The following CTNNA2 variants were observed in gnomAD, a reference collection of about 807,000 sequenced individuals.
The protein encoded by CTNNA2 is catenin alpha 2, also known as catenin alpha-2.
Under a neutral mutation model 101.0 loss-of-function variants are expected in CTNNA2, and 42 were observed. The observed-to-expected ratio is 0.42, with a 90% CI of 0.32 to 0.54. CTNNA2 has a LOEUF of 0.54. CTNNA2 is among the 20% of genes least tolerant of loss of function. CTNNA2 has a pLI of 0.14. For synonymous variants in CTNNA2, 450 were observed against 456.4 expected (o/e 0.99, Z 0.18); for missense variants, 871 against 1,223.1 (o/e 0.71, Z 4.29).
intron 7 of CTNNA2, among the ~76,000 whole-genome samples, chr2:79,980,937 C>CA (rs938405426): frequency 1.3e-4 from 19 of 151,652 alleles, no homozygotes; most frequent in African/African-American, 4.6e-4. Context: ...TTTTAACAGT[C>CA]AAACATTCTG....
In CTNNA2 at chr2:80,079,739, G is replaced by A. The variant is rs187947830; in HGVS notation, c.1056+169942G>A. 7.5e-3 allele frequency among the ~76,000 whole-genome samples: 1,141 copies of A among 151,810 alleles called. 5 individuals are homozygous for A. The highest frequency in any genetic ancestry group is 0.012 in the Non-Finnish European group (843 of 67,942). ...TGAGGCAGGAGAATGGCGTGAACCC[G>A]GGAGGCGGAGCTTGCAGTGAGCCGG... On this transcript the variant is annotated intron_variant, in intron 7 of 18. Transcript: ENST00000402739.
chr2:79,983,677 G>A lies in CTNNA2; in HGVS notation c.1056+73880G>A, dbSNP rs570412718. 7.2e-5 allele frequency among the ~76,000 whole-genome samples: 11 copies of A among 152,172 alleles called. No individual in the cohort carries two copies. In the South Asian group the frequency reaches 2.3e-3, roughly 32 times the overall value. On this transcript the variant is annotated intron_variant, in intron 7 of 18. Coordinates refer to ENST00000402739, the MANE Select transcript of CTNNA2 (RefSeq NM_001282597.3). Reference sequence around the variant, plus strand: ...AGTGCTGTAACTGATAAGAACCTCGGAATGAATCCTGTGTCTCTCTTGTAT... The same window carrying A: ...AGTGCTGTAACTGATAAGAACCTCGAAATGAATCCTGTGTCTCTCTTGTAT...
At chr2:79,720,331 C>A (rs569314832) in intron 2 of CTNNA2, among the ~76,000 whole-genome samples, 2 of 152,068 alleles carry the variant, frequency 1.3e-5, no homozygotes, top group African/African-American at 4.8e-5. Flanking sequence ...TAGTGTAATG[C>A]CTCTGGCTTT....
At chr2:79,930,627 A>G (rs893233895) in intron 7 of CTNNA2, among the ~76,000 whole-genome samples, 5 of 152,176 alleles carry the variant, frequency 3.3e-5, no homozygotes, top group Non-Finnish European at 7.3e-5. Context: ...CTGACTGTCA[A>G]TTAATGATAA....
chr2:80,159,023 T>G (rs1051310019), intron 7 of CTNNA2, among the ~76,000 whole-genome samples: 1 of 152,212 alleles, frequency 6.6e-6, no homozygotes, highest in Non-Finnish European at 1.5e-5. Context: ...GGTTGTTCAG[T>G]TGGACCATTC....
chr2:80,146,452 T>C (rs1389311910), intron 7 of CTNNA2, among the ~76,000 whole-genome samples: 1 of 152,090 alleles, frequency 6.6e-6, no homozygotes, highest in Admixed American at 6.6e-5. Context: ...CCTAATGGCC[T>C]AGTTGACTGT....
chr2:79,280,142 C>T (rs550435333), intron 2 of CTNNA2, among the ~76,000 whole-genome samples: 5 of 152,232 alleles, frequency 3.3e-5, no homozygotes, highest in South Asian at 2.1e-4. Flanking sequence ...TCAAGGGATA[C>T]GGAGGTTCAC....
At chr2:79,448,333 T>C (rs1215479083) in intron 4 of CTNNA2, among the ~76,000 whole-genome samples, 2 of 152,008 alleles carry the variant, frequency 1.3e-5, no homozygotes, top group South Asian at 2.1e-4. Context: ...TGTAGATAGA[T>C]TTTTCTTATT....
chr2:80,304,621 G>C (rs958261709), intron 7 of CTNNA2: 1 of 152,606 alleles, frequency 6.6e-6, no homozygotes, highest in African/African-American at 2.4e-5. Flanking sequence ...GCGGGCGGCG[G>C]GCGGCGGGCG....
At chr2:80,608,518 T>A (rs1291217664) in intron 17 of CTNNA2, 200 bp downstream of exon 17, 2 of 450,202 alleles carry the variant, frequency 4.4e-6, no homozygotes, top group African/African-American at 4.0e-5. Flanking sequence ...TACCCTGTGT[T>A]TATTCTAGCC....
At chr2:79,341,606 A>G (rs955267499) in intron 3 of CTNNA2, among the ~76,000 whole-genome samples, 6 of 152,210 alleles carry the variant, frequency 3.9e-5, no homozygotes, top group African/African-American at 1.2e-4. Flanking sequence ...ATAGCAAGCA[A>G]CCTTGGAAGA....
chr2:80,224,271 T>G (rs1257231734), intron 7 of CTNNA2, among the ~76,000 whole-genome samples: 3 of 151,986 alleles, frequency 2.0e-5, no homozygotes, highest in African/African-American at 7.2e-5. Context: ...CTTACCCTCT[T>G]CTCTTTTATA....
chr2:79,635,331 C>T (rs1326566741), intron 1 of CTNNA2, among the ~76,000 whole-genome samples: 1 of 151,678 alleles, frequency 6.6e-6, no homozygotes. Context: ...ACTCGGGAGG[C>T]TGAGGCAGGA....
intron 4 of CTNNA2, among the ~76,000 whole-genome samples, chr2:79,443,992 G>A (rs1678804683): frequency 6.7e-6 from 1 of 150,346 alleles, no homozygotes; most frequent in Admixed American, 6.6e-5. Flanking sequence ...GGCTCATGTG[G>A]CAATAAATTT....
intron 7 of CTNNA2, among the ~76,000 whole-genome samples, chr2:79,948,989 T>G: frequency 6.6e-6 from 1 of 151,202 alleles, no homozygotes; most frequent in African/African-American, 2.4e-5. Context: ...AATAAATAAA[T>G]AAAATAAATG....
At chr2:79,471,574 C>T (rs1011281530) in intron 4 of CTNNA2, among the ~76,000 whole-genome samples, 5 of 152,146 alleles carry the variant, frequency 3.3e-5, no homozygotes, top group African/African-American at 1.2e-4. Context: ...TGCAGTGGCT[C>T]ACGCCTGCAA....
At chr2:79,275,404 G>A (rs1675186262) in intron 2 of CTNNA2, among the ~76,000 whole-genome samples, 1 of 152,058 alleles carries the variant, frequency 6.6e-6, no homozygotes, top group South Asian at 2.1e-4. Context: ...GGGCCCCCTA[G>A]GAACTCATGA....
At chr2:79,837,061 A>G (rs1295170244) in intron 3 of CTNNA2, among the ~76,000 whole-genome samples, 4 of 152,226 alleles carry the variant, frequency 2.6e-5, no homozygotes, top group African/African-American at 9.6e-5. Context: ...GGGAGATACA[A>G]TTAAACCCAT....
chr2:79,577,679 C>T (rs191330792), intron 1 of CTNNA2, among the ~76,000 whole-genome samples: 436 of 152,114 alleles, frequency 2.9e-3, no homozygotes, highest in Non-Finnish European at 4.3e-3. Context: ...TTTTTCCTCC[C>T]ATGATTTTGA....
Sources: gnomAD v4.1 joint callset for allele counts (sites outside exome capture counted in the v4.1 genomes callset) on GRCh38, gnomAD v4.1.1 for gene constraint, MANE v1.5 for transcripts, NCBI Gene and HGNC (gene_info 2026-07-23, HGNC 2026-07-21) for gene names.